The following HECTD2 variants were observed in gnomAD, a reference collection of about 807,000 sequenced individuals.
HECTD2 encodes probable E3 ubiquitin-protein ligase HECTD2.
HECTD2 carries 35 observed loss-of-function variants against 103.2 expected under a neutral mutation model. That is an observed-to-expected ratio of 0.34 (90% confidence interval 0.26 to 0.45). The LOEUF (loss-of-function observed/expected upper bound fraction) is 0.45, where lower values mean the gene tolerates loss of function less well. HECTD2 is among the 20% of genes least tolerant of loss of function. The probability of loss-of-function intolerance (pLI) is 1.00; values close to 1 mark genes in which losing one functional copy is unlikely to be tolerated. For synonymous variants in HECTD2, 281 were observed against 329.9 expected (o/e 0.85, Z 1.61); for missense variants, 596 against 937.4 (o/e 0.64, Z 4.76).
intron 2 of HECTD2, among the ~76,000 whole-genome samples, chr10:91,429,167 T>A (rs1843721123): frequency 6.6e-6 from 1 of 152,032 alleles, no homozygotes. Context: ...TCTGTTTATA[T>A]GCTGGATTAC....
At chr10:91,421,640 T>C (rs1027343198) in intron 1 of HECTD2, among the ~76,000 whole-genome samples, 1 of 152,224 alleles carries the variant, frequency 6.6e-6, no homozygotes, top group Admixed American at 6.5e-5. Flanking sequence ...TCTGTTGATA[T>C]ATTACAATAA....
At chr10:91,440,196 T>C (rs368619549) in intron 2 of HECTD2, among the ~76,000 whole-genome samples, 1 of 152,196 alleles carries the variant, frequency 6.6e-6, no homozygotes, top group Non-Finnish European at 1.5e-5. Flanking sequence ...GCCCATTCAG[T>C]ATGATATTAG....
chr10:91,444,577 A>C (rs1198201146), intron 2 of HECTD2, among the ~76,000 whole-genome samples: 1 of 152,200 alleles, frequency 6.6e-6, no homozygotes. Context: ...TGCGACATTC[A>C]GCTATTAAGA....
chr10:91,506,706 C>A (rs1424201488), intron 20 of HECTD2, among the ~76,000 whole-genome samples: 1 of 151,960 alleles, frequency 6.6e-6, no homozygotes, highest in Admixed American at 6.5e-5. Flanking sequence ...CAAGGAGGAA[C>A]TGGTACCATT....
intron 1 of HECTD2, among the ~76,000 whole-genome samples, chr10:91,417,221 A>G (rs1211116859): frequency 1.3e-5 from 2 of 152,166 alleles, no homozygotes; most frequent in East Asian, 3.8e-4. Context: ...GGTGAGCTAT[A>G]TGAATAACTA....
chr10:91,485,414 A>AAAT (rs1846231448), intron 10 of HECTD2, 111 bp downstream of exon 10: 4 of 752,084 alleles, frequency 5.3e-6, no homozygotes, highest in Admixed American at 3.0e-5. Flanking sequence ...ATAAATGTAT[A>AAAT]AATATAGTTC....
intron 2 of HECTD2, among the ~76,000 whole-genome samples, chr10:91,431,185 T>C (rs1016378366): frequency 6.6e-6 from 1 of 151,884 alleles, no homozygotes; most frequent in African/African-American, 2.4e-5. Context: ...AATTCTTTTC[T>C]TTAAGAATGT....
At chr10:91,476,785 T>G (rs1845918771) in intron 5 of HECTD2, among the ~76,000 whole-genome samples, 1 of 152,196 alleles carries the variant, frequency 6.6e-6, no homozygotes, top group Non-Finnish European at 1.5e-5. Context: ...TGTGGGCACC[T>G]GCCTGCCCTG....
At chr10:91,427,112 G>C (rs1298826292) in intron 2 of HECTD2, among the ~76,000 whole-genome samples, 2 of 147,188 alleles carry the variant, frequency 1.4e-5, no homozygotes, top group Non-Finnish European at 3.0e-5. Flanking sequence ...TTGGTTTTTT[G>C]TCCTTGCGAT....
chr10:91,479,436 CAATT>C (rs538971274), intron 6 of HECTD2, among the ~76,000 whole-genome samples: 93 of 152,186 alleles, frequency 6.1e-4, no homozygotes, highest in Admixed American at 1.1e-3. Flanking sequence ...CTTTTAAAAA[CAATT>C]AAAATCATAC....
intron 1 of HECTD2, among the ~76,000 whole-genome samples, chr10:91,421,975 A>G (rs189148068): frequency 7.2e-4 from 109 of 152,106 alleles, no homozygotes; most frequent in Admixed American, 2.6e-3. Context: ...TTCATTCCCT[A>G]TTATTACTAT....
At chr10:91,411,826 G>A (rs1451816681) in intron 1 of HECTD2, among the ~76,000 whole-genome samples, 3 of 152,214 alleles carry the variant, frequency 2.0e-5, no homozygotes. Context: ...TGGAGACCTG[G>A]TTCCTGCTGC....
chr10:91,481,955 G>A (rs1846102881), intron 7 of HECTD2, among the ~76,000 whole-genome samples: 1 of 151,684 alleles, frequency 6.6e-6, no homozygotes, highest in South Asian at 2.1e-4. Flanking sequence ...AGGAAAAAGT[G>A]GAAAAGGGGG....
chr10:91,462,563 A>G, intron 5 of HECTD2: 1 of 1,022,208 alleles, frequency 9.8e-7, no homozygotes, highest in Non-Finnish European at 1.2e-6. Context: ...TTTCAGATTC[A>G]GTAGGTCTTG....
chr10:91,429,557 C>G (rs1439151430), intron 2 of HECTD2, among the ~76,000 whole-genome samples: 1 of 152,170 alleles, frequency 6.6e-6, no homozygotes, highest in African/African-American at 2.4e-5. Context: ...AATTTCAGAT[C>G]CTGTTATTGG....
At chr10:91,458,068 G>T (rs1589505669) in intron 2 of HECTD2, among the ~76,000 whole-genome samples, 1 of 142,946 alleles carries the variant, frequency 7.0e-6, no homozygotes, top group Admixed American at 7.0e-5. Flanking sequence ...AACCTTCCTA[G>T]AATTAATAAG....
intron 14 of HECTD2, among the ~76,000 whole-genome samples, chr10:91,495,728 T>C (rs968264584): frequency 1.3e-5 from 2 of 152,220 alleles, no homozygotes; most frequent in African/African-American, 4.8e-5. Flanking sequence ...ATCAATAGCA[T>C]GTTTATATCC....
intron 2 of HECTD2, among the ~76,000 whole-genome samples, chr10:91,430,385 T>G (rs1455718243): frequency 6.6e-6 from 1 of 152,196 alleles, no homozygotes; most frequent in Non-Finnish European, 1.5e-5. Context: ...TCTGTAGATG[T>G]CTATTAGGTC....
At chr10:91,443,759 T>A (rs943005256) in intron 2 of HECTD2, among the ~76,000 whole-genome samples, 6 of 152,170 alleles carry the variant, frequency 3.9e-5, no homozygotes, top group African/African-American at 1.4e-4. Flanking sequence ...CTGCACAAAA[T>A]ACTACGAAAC....
Sources: gnomAD v4.1 joint callset for allele counts (sites outside exome capture counted in the v4.1 genomes callset) on GRCh38, gnomAD v4.1.1 for gene constraint, MANE v1.5 for transcripts, NCBI Gene and HGNC (gene_info 2026-07-23, HGNC 2026-07-21) for gene names.